Variants in CADM2 observed in about 807,000 individuals in gnomAD.
The protein encoded by CADM2 is immunoglobulin superfamily member 4D.
In CADM2, 12 loss-of-function variants were observed where a neutral mutation model predicts 49.8. That is an observed-to-expected ratio of 0.24 (90% CI 0.15 to 0.39). CADM2 has a LOEUF of 0.39. Ranked by LOEUF, CADM2 falls within the 10% of genes least tolerant of loss-of-function variation. The pLI is 1.00. For missense variants in CADM2, 378 were observed against 492.3 expected (o/e 0.77, Z 2.20); for synonymous variants, 214 against 175.4 (o/e 1.22, Z -1.74).
intron 1 of CADM2, among the ~76,000 whole-genome samples, chr3:85,028,654 A>G (rs2034842628): frequency 6.6e-6 from 1 of 152,098 alleles, no homozygotes; most frequent in Admixed American, 6.6e-5. Context: ...AAGAAAATAG[A>G]AATCTCGTGA....
intron 1 of CADM2, among the ~76,000 whole-genome samples, chr3:85,544,465 G>T (rs1289886968): frequency 6.6e-6 from 1 of 152,052 alleles, no homozygotes; most frequent in Non-Finnish European, 1.5e-5. Flanking sequence ...TAGTCCCAGC[G>T]ACTGGGGAGG....
chr3:85,557,778 G>T (rs1650762083), intron 1 of CADM2, among the ~76,000 whole-genome samples: 1 of 151,924 alleles, frequency 6.6e-6, no homozygotes, highest in Non-Finnish European at 1.5e-5. Context: ...AATATTTTGA[G>T]AACATTTAAT....
Position 85,218,428 on chromosome 3 carries a change from C to T in CADM2, c.61+258760C>T, listed in dbSNP as rs1233760235. On this transcript the variant is annotated intron_variant, in intron 1 of 9. Transcript: ENST00000383699. The stretch of plus-strand genomic sequence containing the variant: ...TGTTATTTAAATTATATCATCACGT[C>T]ATAACCCCTCAGTGCTCCAGGCGGC... 2.6e-5 allele frequency among the ~76,000 whole-genome samples: 4 copies of T among 152,254 alleles called. No individual in the cohort carries two copies. In the East Asian group the frequency reaches 7.7e-4, roughly 29 times the overall value.
At chr3:85,237,596 C>T (rs1231267034) in intron 1 of CADM2, among the ~76,000 whole-genome samples, 2 of 150,942 alleles carry the variant, frequency 1.3e-5, no homozygotes, top group Non-Finnish European at 3.0e-5. Context: ...AATACAAAAG[C>T]AAACACTGAA....
intron 1 of CADM2, among the ~76,000 whole-genome samples, chr3:85,403,637 G>C (rs1332065904): frequency 6.6e-6 from 1 of 152,074 alleles, no homozygotes; most frequent in Non-Finnish European, 1.5e-5. Flanking sequence ...GCATTTTTAT[G>C]AATGCAACTA....
chr3:85,920,705 A>G (rs1361255613), intron 6 of CADM2, among the ~76,000 whole-genome samples: 1 of 151,674 alleles, frequency 6.6e-6, no homozygotes, highest in Non-Finnish European at 1.5e-5. Context: ...TAATTGAATC[A>G]TCAGGTATTT....
intron 6 of CADM2, among the ~76,000 whole-genome samples, chr3:85,927,807 T>C (rs1427395141): frequency 2.6e-5 from 4 of 151,464 alleles, no homozygotes; most frequent in African/African-American, 7.2e-5. Flanking sequence ...ATTATACTTA[T>C]TCAATTACAA....
At chr3:85,601,716 A>G (rs771933447) in intron 1 of CADM2, among the ~76,000 whole-genome samples, 13 of 151,242 alleles carry the variant, frequency 8.6e-5, no homozygotes, top group Admixed American at 2.6e-4. Flanking sequence ...CCATATCCCT[A>G]TGCTAATTCT....
At chr3:85,799,653 G>A (rs2071871189) in intron 2 of CADM2, among the ~76,000 whole-genome samples, 2 of 152,158 alleles carry the variant, frequency 1.3e-5, no homozygotes, top group Non-Finnish European at 2.9e-5. Context: ...TTTTTAATGT[G>A]CTGCTGGATT....
intron 1 of CADM2, among the ~76,000 whole-genome samples, chr3:85,292,587 A>G (rs1338846528): frequency 3.3e-5 from 5 of 151,938 alleles, no homozygotes; most frequent in Non-Finnish European, 7.4e-5. Context: ...ATAACAAACT[A>G]TCTCTCAGAC....
rs1433876721 is a variant in CADM2 at position 86,070,256 on chromosome 3, A to G, written c.*3473A>G. ...TGTAAAAATATAAATATCTCAATCAAAAGTACAGGCTCATTTGTAATTATG... is the reference window on the plus strand; with the variant it reads ...TGTAAAAATATAAATATCTCAATCAGAAGTACAGGCTCATTTGTAATTATG... On this transcript the variant is annotated 3_prime_UTR_variant, in exon 10 of 10. Coordinates refer to ENST00000383699, the MANE Select transcript of CADM2 (RefSeq NM_001167675.2). The G allele has an allele frequency of 6.6e-6, 1 of 151,984 alleles. No individual in the cohort carries two copies. Among genetic ancestry groups the G allele is most frequent in the East Asian group, 1.9e-4 (1 of 5,194 alleles). 9.4% of individuals were successfully genotyped at this position (151,984 alleles called of 1,614,324 possible).
chr3:85,352,772 T>C (rs1475136276), intron 1 of CADM2, among the ~76,000 whole-genome samples: 2 of 152,150 alleles, frequency 1.3e-5, no homozygotes, highest in East Asian at 1.9e-4. Flanking sequence ...TGGATGACCA[T>C]GTCAAATCCA....
At chr3:85,078,533 T>G (rs1038301057) in intron 1 of CADM2, among the ~76,000 whole-genome samples, 2 of 151,878 alleles carry the variant, frequency 1.3e-5, no homozygotes, top group Non-Finnish European at 1.5e-5. Context: ...CAATGTAAAC[T>G]TTTACAAAAA....
chr3:85,999,002 A>G (rs989693876), intron 8 of CADM2, among the ~76,000 whole-genome samples: 1 of 152,150 alleles, frequency 6.6e-6, no homozygotes, highest in African/African-American at 2.4e-5. Flanking sequence ...CAAAGTAAGA[A>G]ATATAAGGGG....
At chr3:85,446,243 G>T (rs1445885659) in intron 1 of CADM2, among the ~76,000 whole-genome samples, 1 of 152,094 alleles carries the variant, frequency 6.6e-6, no homozygotes, top group Non-Finnish European at 1.5e-5. Flanking sequence ...GTATTACTCA[G>T]TGATACAAAA....
chr3:85,853,790 A>C (rs1368009592), intron 3 of CADM2, among the ~76,000 whole-genome samples: 2 of 152,134 alleles, frequency 1.3e-5, no homozygotes. Context: ...AATAATATAT[A>C]AATGTTATTA....
intron 1 of CADM2, among the ~76,000 whole-genome samples, chr3:85,661,225 C>A (rs1388123341): frequency 6.6e-6 from 1 of 152,024 alleles, no homozygotes; most frequent in East Asian, 1.9e-4. Flanking sequence ...TTGGAGGTAT[C>A]CTGAGTGGCA....
chr3:85,077,407 C>T (rs1175466475), intron 1 of CADM2, among the ~76,000 whole-genome samples: 1 of 151,958 alleles, frequency 6.6e-6, no homozygotes, highest in African/African-American at 2.4e-5. Flanking sequence ...CCAGATATCT[C>T]TCTTTTTTAA....
intron 1 of CADM2, among the ~76,000 whole-genome samples, chr3:85,259,646 T>G (rs960389113): frequency 1.3e-5 from 2 of 152,120 alleles, no homozygotes; most frequent in African/African-American, 2.4e-5. Context: ...TTTGAGCAAT[T>G]TATACTAGCA....
Sources: gnomAD v4.1 joint callset for allele counts (sites outside exome capture counted in the v4.1 genomes callset) on GRCh38, gnomAD v4.1.1 for gene constraint, MANE v1.5 for transcripts, NCBI Gene and HGNC (gene_info 2026-07-23, HGNC 2026-07-21) for gene names.